The following GOLIM4 variants were observed in gnomAD, a reference collection of about 807,000 sequenced individuals.
GOLIM4 encodes golgi integral membrane protein 4.
A neutral mutation model predicts 107.4 loss-of-function variants in GOLIM4; 71 were observed. The observed-to-expected ratio is 0.66, with a 90% confidence interval of 0.55 to 0.81. The LOEUF (loss-of-function observed/expected upper bound fraction) is 0.81. Among genes scored for constraint, GOLIM4 ranks in the 30% least tolerant of loss-of-function variants. The probability of loss-of-function intolerance (pLI) is 0.00; values close to 1 mark genes in which losing one functional copy is unlikely to be tolerated. For missense variants in GOLIM4, 830 were observed against 826.1 expected (o/e 1.00, Z -0.06); for synonymous variants, 327 against 294.8 (o/e 1.11, Z -1.12).
At chr3:168,036,291 A>T (rs1477431015) in intron 8 of GOLIM4, among the ~76,000 whole-genome samples, 1 of 152,260 alleles carries the variant, frequency 6.6e-6, no homozygotes, top group Non-Finnish European at 1.5e-5. Context: ...CTATAATCCC[A>T]GCACTTTGGG....
intron 14 of GOLIM4, among the ~76,000 whole-genome samples, chr3:168,014,215 C>G (rs1373684406): frequency 6.6e-6 from 1 of 151,100 alleles, no homozygotes; most frequent in Non-Finnish European, 1.5e-5. Flanking sequence ...GATATCACCA[C>G]CGATCCCACA....
At chr3:168,011,122 T>C (rs1716989321) in intron 14 of GOLIM4, among the ~76,000 whole-genome samples, 1 of 151,686 alleles carries the variant, frequency 6.6e-6, no homozygotes, top group Non-Finnish European at 1.5e-5. Flanking sequence ...TGCATTTCCA[T>C]CTGAGGTACC....
At chr3:168,053,114 C>T (rs960846372) in intron 1 of GOLIM4, among the ~76,000 whole-genome samples, 2 of 152,162 alleles carry the variant, frequency 1.3e-5, no homozygotes, top group African/African-American at 2.4e-5. Context: ...AGTTTAAAAA[C>T]GTGCCAGCTT....
chr3:168,080,660 T>C (rs1280877320), intron 1 of GOLIM4, among the ~76,000 whole-genome samples: 1 of 152,184 alleles, frequency 6.6e-6, no homozygotes, highest in African/African-American at 2.4e-5. Context: ...TCAATGGCAG[T>C]GGGAGTTTTG....
At chr3:168,046,446 C>T (rs557937134) in intron 3 of GOLIM4, among the ~76,000 whole-genome samples, 103 of 152,252 alleles carry the variant, frequency 6.8e-4, no homozygotes, top group Middle Eastern at 3.4e-3. Flanking sequence ...GAGGACCCTG[C>T]GGCCTTCCGC....
chr3:168,060,105 T>G (rs1363383553), intron 1 of GOLIM4, among the ~76,000 whole-genome samples: 1 of 151,516 alleles, frequency 6.6e-6, no homozygotes, highest in Non-Finnish European at 1.5e-5. Context: ...AGAGAGTTTT[T>G]TTTTTTTTTC....
intron 1 of GOLIM4, among the ~76,000 whole-genome samples, chr3:168,084,500 T>C (rs1021983705): frequency 6.6e-6 from 1 of 152,154 alleles, no homozygotes; most frequent in Non-Finnish European, 1.5e-5. Context: ...AGTAGATCCT[T>C]TAATCCCAAT....
At chr3:168,078,924 A>T (rs1435064470) in intron 1 of GOLIM4, among the ~76,000 whole-genome samples, 1 of 147,584 alleles carries the variant, frequency 6.8e-6, no homozygotes, top group Non-Finnish European at 1.5e-5. Context: ...TGTGTTTTGA[A>T]CATTTAAGTT....
At chr3:168,040,356 G>T (rs1364367826) in intron 7 of GOLIM4, among the ~76,000 whole-genome samples, 1 of 152,162 alleles carries the variant, frequency 6.6e-6, no homozygotes, top group Non-Finnish European at 1.5e-5. Flanking sequence ...CGTTCCAAAA[G>T]GAGGGTGTGT....
intron 14 of GOLIM4, among the ~76,000 whole-genome samples, chr3:168,024,030 AC>A (rs1407471603): frequency 6.6e-6 from 1 of 152,246 alleles, no homozygotes; most frequent in Non-Finnish European, 1.5e-5. Context: ...TAATTAAGAT[AC>A]TGAATTCTTA....
intron 1 of GOLIM4, among the ~76,000 whole-genome samples, chr3:168,053,108 T>C (rs1719747027): frequency 6.6e-6 from 1 of 152,204 alleles, no homozygotes; most frequent in Non-Finnish European, 1.5e-5. Flanking sequence ...CTCAGGAGTT[T>C]AAAAACGTGC....
At chr3:168,087,130 T>A (rs1165331673) in intron 1 of GOLIM4, among the ~76,000 whole-genome samples, 1 of 152,162 alleles carries the variant, frequency 6.6e-6, no homozygotes, top group African/African-American at 2.4e-5. Context: ...CTGTACAGTT[T>A]TTTTGAATCC....
intron 7 of GOLIM4, among the ~76,000 whole-genome samples, chr3:168,039,102 G>A (rs774849333): frequency 6.6e-6 from 1 of 152,044 alleles, no homozygotes; most frequent in African/African-American, 2.4e-5. Context: ...AGTCTAGGGT[G>A]TTTTGTTATA....
chr3:168,073,727 G>T (rs1720942647), intron 1 of GOLIM4, among the ~76,000 whole-genome samples: 1 of 152,116 alleles, frequency 6.6e-6, no homozygotes, highest in Non-Finnish European at 1.5e-5. Flanking sequence ...GCTTATATAG[G>T]GTATTTTCTT....
chr3:168,045,303 A>G (rs1263276606), intron 3 of GOLIM4, among the ~76,000 whole-genome samples: 1 of 152,204 alleles, frequency 6.6e-6, no homozygotes, highest in Non-Finnish European at 1.5e-5. Context: ...CAAGCTGAGC[A>G]TGGCTTAAAG....
At chr3:168,072,217 G>C (rs142641754) in intron 1 of GOLIM4, among the ~76,000 whole-genome samples, 1 of 152,146 alleles carries the variant, frequency 6.6e-6, no homozygotes, top group South Asian at 2.1e-4. Context: ...CATTACGGAT[G>C]CTGTTCACCA....
intron 1 of GOLIM4, among the ~76,000 whole-genome samples, chr3:168,084,972 G>A (rs1721549551): frequency 6.6e-6 from 1 of 151,894 alleles, no homozygotes; most frequent in East Asian, 1.9e-4. Context: ...AAAAAAAAAT[G>A]TGCCAGATGA....
At chr3:168,070,549 C>A (rs1040761161) in intron 1 of GOLIM4, among the ~76,000 whole-genome samples, 1 of 152,148 alleles carries the variant, frequency 6.6e-6, no homozygotes, top group Non-Finnish European at 1.5e-5. Flanking sequence ...AATTTTCTAT[C>A]TGGTGAAACA....
At chr3:168,035,349 A>G (rs1718585921) in intron 8 of GOLIM4, among the ~76,000 whole-genome samples, 1 of 152,208 alleles carries the variant, frequency 6.6e-6, no homozygotes, top group Non-Finnish European at 1.5e-5. Flanking sequence ...ATAAAGACAC[A>G]TTCACTGCAA....
Sources: allele counts gnomAD v4.1 joint callset (sites outside exome capture counted in the v4.1 genomes callset), GRCh38; gene constraint gnomAD v4.1.1; transcripts MANE v1.5; gene names NCBI Gene and HGNC (gene_info 2026-07-23, HGNC 2026-07-21).